Variants in CNOT7 observed in about 807,000 individuals in gnomAD.
CNOT7 encodes BTG1-binding factor 1.
A neutral mutation model predicts 37.1 loss-of-function variants in CNOT7; 4 were observed. That is an observed-to-expected ratio of 0.11 (90% CI 0.05 to 0.25). The LOEUF (loss-of-function observed/expected upper bound fraction) is 0.25. CNOT7 is among the 10% of genes least tolerant of loss of function. The pLI is 1.00. For missense variants in CNOT7, 170 were observed against 336.2 expected (o/e 0.51, Z 3.87); for synonymous variants, 128 against 115.6 (o/e 1.11, Z -0.69).
chr8:17,237,156 T>C, intron 4 of CNOT7, 56 bp downstream of exon 4: 1 of 1,543,798 alleles, frequency 6.5e-7, no homozygotes, highest in Non-Finnish European at 8.9e-7. Context: ...CCCAAGTAAG[T>C]GTGGAGCAAG....
rs1401231561 is a variant in CNOT7 at position 17,246,728 on chromosome 8, T to TCGGCGG, written c.-155_-150dup. ...CTCCTCCTCGCCATAGAGACAGCACTCGGCGGCGGTGGCGGTGGCGGTGGC... is the reference window on the plus strand; with the variant it reads ...CTCCTCCTCGCCATAGAGACAGCACTCGGCGGCGGCGGCGGTGGCGGTGGCGGTGGC... On this transcript the variant is annotated 5_prime_UTR_variant, in exon 1 of 7. Coordinates refer to ENST00000361272, the MANE Select transcript of CNOT7 (RefSeq NM_013354.7). 51 of 189,536 alleles carry TCGGCGG rather than the reference T, an allele frequency of 2.7e-4. No individual in the cohort carries two copies. Among genetic ancestry groups the TCGGCGG allele is most frequent in the Admixed American group, 4.3e-4 (7 of 16,094 alleles). 11.7% of individuals were successfully genotyped at this position (189,536 alleles called of 1,614,324 possible).
rs142912321 is a variant in CNOT7, at chr8:17,245,097, T to C, written c.56A>G (p.Asn19Ser). The C allele has an allele frequency of 8.9e-5, 143 of 1,613,630 alleles. No homozygotes were observed. Among genetic ancestry groups the C allele is most frequent in the Non-Finnish European group, 1.2e-4 (137 of 1,179,850 alleles). ...AATTTTCTTCATCTCTTCATCCAAG[T>C]TGCAAGCCCAAACTTCACAAATTCT... is the stretch of plus-strand genomic sequence containing the variant. Reference protein sequence around the residue: ...SQRICEVWACNLDEEMKKIRQ... With the variant: ...SQRICEVWACSLDEEMKKIRQ... Residue 19 changes from asparagine to serine, a missense_variant, in exon 2 of 7, where the codon AAC (asparagine) becomes AGC (serine). Asn to Ser is a conservative substitution (Grantham distance 46). This residue lies in a region of CNOT7 where 38 missense variants were observed against 36.9 expected (regional missense o/e 1.03). Transcript: ENST00000361272.
intron 3 of CNOT7, among the ~76,000 whole-genome samples, chr8:17,238,409 T>C (rs890262678): frequency 2.0e-5 from 3 of 151,764 alleles, no homozygotes; most frequent in African/African-American, 7.3e-5. Flanking sequence ...ACAATGGAAA[T>C]ATTTTAAAAG....
chr8:17,238,461 G>A (rs1026952157), intron 3 of CNOT7, among the ~76,000 whole-genome samples: 3 of 150,032 alleles, frequency 2.0e-5, no homozygotes, highest in Non-Finnish European at 3.0e-5. Context: ...AGTCTCCCCT[G>A]GAAAATCCTT....
At chr8:17,241,608 G>C (rs1276454109) in intron 3 of CNOT7, 1 of 152,146 alleles carries the variant, frequency 6.6e-6, no homozygotes, top group African/African-American at 2.4e-5. Flanking sequence ...TTACCTACCA[G>C]ATATTAGGAT....
intron 1 of CNOT7, 127 bp from the exon 2 acceptor site, chr8:17,245,374 G>T (rs375820137): frequency 2.4e-6 from 1 of 412,958 alleles, no homozygotes; most frequent in Non-Finnish European, 4.1e-6. Context: ...AAAAATCAAA[G>T]TTTAGAAAGT....
chr8:17,240,811 T>C (rs1239479199), intron 3 of CNOT7, among the ~76,000 whole-genome samples: 1 of 152,200 alleles, frequency 6.6e-6, no homozygotes. Flanking sequence ...ATGTAGTTCT[T>C]ATAAAAGGTT....
rs572022060 is a variant in CNOT7, at chr8:17,229,639, T to C, written c.*1081A>G. On this transcript the variant is annotated 3_prime_UTR_variant, in exon 7 of 7. Coordinates refer to ENST00000361272, the MANE Select transcript of CNOT7 (RefSeq NM_013354.7). ...GGTAATTTTATCAGCTATATATATA[T>C]ATATGAGAATATATATATATTTTGT... 1.3e-5 allele frequency: 2 copies of C among 151,782 alleles called. No individual in the cohort carries two copies. Among genetic ancestry groups the C allele is most frequent in the South Asian group, 4.1e-4 (2 of 4,824 alleles). 9.4% of individuals were successfully genotyped at this position (151,782 alleles called of 1,614,324 possible).
At chr8:17,237,174 T>C (rs971258748) in intron 4 of CNOT7, 38 bp downstream of exon 4, 4 of 1,603,752 alleles carry the variant, frequency 2.5e-6, no homozygotes, top group African/African-American at 2.7e-5. Flanking sequence ...AAGTATGAGA[T>C]GGAAAAACAA....
intron 5 of CNOT7, among the ~76,000 whole-genome samples, chr8:17,233,026 G>A (rs1163407717): frequency 6.6e-6 from 1 of 152,080 alleles, no homozygotes; most frequent in African/African-American, 2.4e-5. Flanking sequence ...CTTCACTATG[G>A]TTTTCTTAGT....
intron 1 of CNOT7, chr8:17,245,882 C>T (rs1419677396): frequency 1.3e-5 from 2 of 151,942 alleles, no homozygotes; most frequent in South Asian, 2.1e-4. Flanking sequence ...CATTTCTGGT[C>T]TATAAACAGA....
intron 4 of CNOT7, among the ~76,000 whole-genome samples, chr8:17,236,310 T>C (rs547358474): frequency 2.0e-5 from 3 of 152,234 alleles, no homozygotes; most frequent in Non-Finnish European, 2.9e-5. Flanking sequence ...TTAACATCTA[T>C]GTAACACAAT....
intron 3 of CNOT7, 143 bp from the exon 4 acceptor site, chr8:17,237,516 G>A: frequency 3.2e-6 from 2 of 633,762 alleles, no homozygotes; most frequent in South Asian, 2.5e-5. Context: ...TTATATATAT[G>A]CAAGAAAAAT....
At chr8:17,246,096 T>G (rs12544740) in intron 1 of CNOT7, 1 of 152,164 alleles carries the variant, frequency 6.6e-6, no homozygotes, top group Non-Finnish European at 1.5e-5. Context: ...CCCACCCCGA[T>G]AGGCACACAC....
intron 6 of CNOT7, among the ~76,000 whole-genome samples, chr8:17,231,339 A>T (rs1808580165): frequency 6.6e-6 from 1 of 152,168 alleles, no homozygotes; most frequent in Non-Finnish European, 1.5e-5. Context: ...AAGATAAATT[A>T]GTGCCAGAAA....
intron 6 of CNOT7, chr8:17,231,543 T>C (rs1045561402): frequency 1.0e-6 from 1 of 985,100 alleles, no homozygotes; most frequent in African/African-American, 1.7e-5. Context: ...TGCTTTCTAT[T>C]ATCAATACAT....
intron 2 of CNOT7, chr8:17,243,413 A>G (rs1810459251): frequency 7.8e-6 from 5 of 643,742 alleles, no homozygotes; most frequent in Non-Finnish European, 1.4e-5. Context: ...TATACGAGAT[A>G]CATGTGATAA....
At chr8:17,237,153 A>C (rs925262713) in intron 4 of CNOT7, 59 bp downstream of exon 4, 26 of 1,525,662 alleles carry the variant, frequency 1.7e-5, no homozygotes, top group Non-Finnish European at 1.8e-5. Flanking sequence ...TGACCCAAGT[A>C]AGTGTGGAGC....
At chr8:17,239,258 C>T (rs914741952) in intron 3 of CNOT7, among the ~76,000 whole-genome samples, 2 of 151,988 alleles carry the variant, frequency 1.3e-5, no homozygotes, top group Admixed American at 1.3e-4. Context: ...CCATGTTGCC[C>T]GAACTGGTCT....
Sources: gnomAD v4.1 joint callset for allele counts (sites outside exome capture counted in the v4.1 genomes callset) on GRCh38, gnomAD v4.1.1 for gene constraint, gnomAD v4.1.1 regional missense constraint, MANE v1.5 for transcripts, NCBI Gene and HGNC (gene_info 2026-07-23, HGNC 2026-07-21) for gene names.